The following COL24A1 variants were observed in gnomAD, a reference collection of about 807,000 sequenced individuals.
COL24A1 encodes collagen type XXIV alpha 1 chain.
COL24A1 carries 224 observed loss-of-function variants against 253.9 expected under a neutral mutation model. The observed-to-expected ratio is 0.88, with a 90% CI of 0.79 to 0.99. The LOEUF (loss-of-function observed/expected upper bound fraction) is 0.99. COL24A1 is among the 50% of genes least tolerant of loss of function. The pLI, the probability that COL24A1 is intolerant of heterozygous loss-of-function variation, is 0.00. For synonymous variants in COL24A1, 685 were observed against 673.7 expected (o/e 1.02, Z -0.26); for missense variants, 2,131 against 2,068.5 (o/e 1.03, Z -0.59).
intron 2 of COL24A1, among the ~76,000 whole-genome samples, chr1:86,136,495 T>A (rs1650269977): frequency 6.6e-6 from 1 of 152,114 alleles, no homozygotes; most frequent in African/African-American, 2.4e-5. Context: ...TATTGTATGA[T>A]ATCCAAGGCC....
intron 2 of COL24A1, among the ~76,000 whole-genome samples, chr1:86,136,974 G>C (rs1448931667): frequency 7.6e-6 from 1 of 131,800 alleles, no homozygotes; most frequent in Non-Finnish European, 1.6e-5. Context: ...TATGACTGGA[G>C]CTGAGGAGAA....
At chr1:85,866,577 C>A (rs1570981259) in intron 37 of COL24A1, among the ~76,000 whole-genome samples, 1 of 151,942 alleles carries the variant, frequency 6.6e-6, no homozygotes, top group Non-Finnish European at 1.5e-5. Context: ...AGTTTGAGAC[C>A]AGCCTGACCC....
intron 7 of COL24A1, 142 bp downstream of exon 7, chr1:86,089,032 C>T (rs1703283254): frequency 5.2e-6 from 3 of 573,700 alleles, no homozygotes; most frequent in Admixed American, 4.1e-5. Flanking sequence ...TTAGGGTCAA[C>T]TTCAAAATGA....
intron 23 of COL24A1, among the ~76,000 whole-genome samples, chr1:85,962,613 A>C (rs1357594078): frequency 6.6e-6 from 1 of 152,324 alleles, no homozygotes; most frequent in African/African-American, 2.4e-5. Flanking sequence ...TGTGATACTT[A>C]ACACTGGTAA....
At chr1:86,020,341 C>T (rs1264235244) in intron 18 of COL24A1, among the ~76,000 whole-genome samples, 2 of 152,090 alleles carry the variant, frequency 1.3e-5, no homozygotes, top group African/African-American at 2.4e-5. Context: ...GCTGGGATTA[C>T]AGGCGTGAGC....
rs773547554 is a variant in COL24A1 at position 86,076,622 on chromosome 1, G to A, written c.1707+12552C>T. 4.6e-5 allele frequency among the ~76,000 whole-genome samples: 7 copies of A among 152,204 alleles called. No homozygotes were observed. The East Asian group carries it at 5.8e-4, about 13-fold the overall frequency. ...AAAAGAACAAAGCTGGAGGCATCAC[G>A]CTACCTGACTTCAAACTATACTATA... On this transcript the variant is annotated intron_variant, in intron 7 of 59. Transcript: ENST00000370571.
chr1:85,978,705 A>T (rs1322269328), intron 20 of COL24A1, among the ~76,000 whole-genome samples: 1 of 152,126 alleles, frequency 6.6e-6, no homozygotes, highest in African/African-American at 2.4e-5. Context: ...TTATTACTAG[A>T]CCTAAGAAAT....
At chr1:86,108,548 C>T (rs1705213570) in intron 5 of COL24A1, among the ~76,000 whole-genome samples, 1 of 136,916 alleles carries the variant, frequency 7.3e-6, no homozygotes, top group Admixed American at 8.4e-5. Flanking sequence ...TTTGGGAGGT[C>T]AAGGCAGGTG....
In COL24A1 at chr1:86,102,675, G is replaced by A. The variant is rs192622001; in HGVS notation, c.1599+9892C>T. The stretch of plus-strand genomic sequence containing the variant: ...CAGGAGAAGGTTATTTAATTTCAAT[G>A]TAATTGTATGGTTTTGAGCAATTTT... On this transcript the variant is annotated intron_variant, in intron 5 of 59. Transcript: ENST00000370571. Among the ~76,000 whole-genome samples the A allele has an allele frequency of 3.7e-4, 56 of 152,186 alleles. 2 individuals carry two copies. The highest frequency in any genetic ancestry group is 3.6e-3 in the Admixed American group (55 of 15,292).
intron 24 of COL24A1, among the ~76,000 whole-genome samples, chr1:85,955,236 G>A (rs1206061129): frequency 6.6e-6 from 1 of 152,162 alleles, no homozygotes; most frequent in Non-Finnish European, 1.5e-5. Context: ...TGGGTGGCCT[G>A]ACTCCAGGGG....
chr1:85,823,424 T>G (rs1240335138), intron 45 of COL24A1, 112 bp downstream of exon 45: 2 of 994,406 alleles, frequency 2.0e-6, no homozygotes, highest in Non-Finnish European at 1.6e-6. Flanking sequence ...TGATCCATAT[T>G]CTACAGTGAT....
chr1:85,737,296 C>A, intron 58 of COL24A1, 100 bp downstream of exon 58: 1 of 691,662 alleles, frequency 1.4e-6, no homozygotes, highest in South Asian at 2.6e-5. Flanking sequence ...TGCTTTCATT[C>A]TTAAAATTCA....
In COL24A1 at chr1:85,928,473, G is replaced by T. The variant is rs1461274379; in HGVS notation, c.2563-17040C>A. On this transcript the variant is annotated intron_variant, in intron 24 of 59. Coordinates refer to ENST00000370571, the MANE Select transcript of COL24A1 (RefSeq NM_152890.7). The stretch of plus-strand genomic sequence containing the variant: ...ACATCTGATTGGTGTACCTGAAAGT[G>T]ATGTGGAGAATGGAACCAAGTTGGA... 7.3e-5 allele frequency among the ~76,000 whole-genome samples: 4 copies of T among 54,458 alleles called. 1 individual carries two copies. The highest frequency in any genetic ancestry group is 3.1e-4 in the African/African-American group (4 of 12,804). 35.7% of individuals were successfully genotyped at this position (54,458 alleles called of 152,430 possible).
chr1:86,148,582 G>A (rs995420472), intron 1 of COL24A1, among the ~76,000 whole-genome samples: 1 of 148,726 alleles, frequency 6.7e-6, no homozygotes, highest in African/African-American at 2.5e-5. Context: ...TCCCACCTAT[G>A]AGTGAGAATA....
chr1:85,824,533 G>A (rs564183717), intron 43 of COL24A1, among the ~76,000 whole-genome samples: 3 of 152,168 alleles, frequency 2.0e-5, no homozygotes, highest in South Asian at 2.1e-4. Context: ...CTATTTGGAC[G>A]GTAGATTTAC....
intron 7 of COL24A1, among the ~76,000 whole-genome samples, chr1:86,064,140 A>C (rs922621110): frequency 4.6e-5 from 7 of 152,084 alleles, no homozygotes; most frequent in African/African-American, 1.7e-4. Context: ...AATAGTGCTA[A>C]GACAAATGGC....
intron 33 of COL24A1, among the ~76,000 whole-genome samples, chr1:85,875,576 A>T (rs1681058855): frequency 6.6e-6 from 1 of 151,942 alleles, no homozygotes; most frequent in Admixed American, 6.6e-5. Flanking sequence ...CATCCTTTAA[A>T]CCTCATCTAA....
chr1:85,799,239 G>GAAAGAAAGAAAGAAAGAAAGAAAGAAAC, intron 47 of COL24A1, among the ~76,000 whole-genome samples: 1 of 150,480 alleles, frequency 6.6e-6, no homozygotes, highest in East Asian at 1.9e-4. Context: ...AAGAAAGAAA[G>GAAAGAAAGAAAGAAAGAAAGAAAGAAAC]AAAGAAAGAA....
chr1:85,830,523 G>A (rs374298042), intron 43 of COL24A1, among the ~76,000 whole-genome samples: 2 of 152,140 alleles, frequency 1.3e-5, no homozygotes, highest in African/African-American at 4.8e-5. Context: ...CCCCCAGCCT[G>A]GCTGCCGCCT....
Sources: allele counts gnomAD v4.1 joint callset (sites outside exome capture counted in the v4.1 genomes callset), GRCh38; gene constraint gnomAD v4.1.1; transcripts MANE v1.5; gene names NCBI Gene and HGNC (gene_info 2026-07-23, HGNC 2026-07-21).